TRDN: variants seen among roughly 807,000 people sequenced by gnomAD.
TRDN encodes triadin, also known as triadin in skeletal muscle.
In TRDN, 161 loss-of-function variants were observed where a neutral mutation model predicts 149.7. The observed-to-expected ratio is 1.08, with a 90% CI of 0.95 to 1.23. The LOEUF (loss-of-function observed/expected upper bound fraction) is 1.23. Among genes scored for constraint, TRDN ranks in the 50% most tolerant of loss-of-function variants. The pLI is 0.00. For missense variants in TRDN, 896 were observed against 823.5 expected (o/e 1.09, Z -1.08); for synonymous variants, 294 against 250.5 (o/e 1.17, Z -1.64).
chr6:123,484,665 A>G (rs899459303), intron 9 of TRDN, among the ~76,000 whole-genome samples: 1 of 152,190 alleles, frequency 6.6e-6, no homozygotes. Flanking sequence ...TGCCATTAAT[A>G]GTGACAAAGC....
intron 1 of TRDN, among the ~76,000 whole-genome samples, chr6:123,595,957 G>T (rs930517340): frequency 1.3e-5 from 2 of 151,986 alleles, no homozygotes; most frequent in Non-Finnish European, 2.9e-5. Context: ...TGTTCAAATG[G>T]GAGGAAGAGT....
chr6:123,406,715 T>C (rs1474623134), intron 12 of TRDN, among the ~76,000 whole-genome samples: 1 of 152,074 alleles, frequency 6.6e-6, no homozygotes, highest in Non-Finnish European at 1.5e-5. Context: ...ATAACAACAA[T>C]GGCAATTATA....
At chr6:123,241,951 T>C (rs1225054537) in intron 38 of TRDN, among the ~76,000 whole-genome samples, 1 of 152,194 alleles carries the variant, frequency 6.6e-6, no homozygotes, top group Non-Finnish European at 1.5e-5. Context: ...CTATTTCATT[T>C]GAAATACTCA....
At chr6:123,233,571 C>T (rs900352724) in intron 38 of TRDN, among the ~76,000 whole-genome samples, 1 of 151,940 alleles carries the variant, frequency 6.6e-6, no homozygotes, top group African/African-American at 2.4e-5. Context: ...TGCTGGGACC[C>T]AAAGTCTAAT....
At chr6:123,359,781 C>T (rs769886308) in intron 20 of TRDN, among the ~76,000 whole-genome samples, 6 of 152,018 alleles carry the variant, frequency 3.9e-5, no homozygotes, top group East Asian at 1.9e-4. Context: ...CCGCAAGCTC[C>T]GCCTCCTGGG....
At position 123,393,648 on chromosome 6, in the gene TRDN, C is replaced by T. The variant is rs1360829110; in HGVS notation, c.1081G>A (p.Gly361Arg). ...CCTTGTGCTGCAATTTTTACAGTCC[C>T]TTGTTTGGTTTCAGAAGCTTTTCCC... is the stretch of plus-strand genomic sequence containing the variant. ...EPGKASETKQ[G>R]TVKIAAQAAA... Residue 361 changes from glycine to arginine, a missense_variant, in exon 13 of 41, where the codon GGG (glycine) becomes AGG (arginine). Coordinates refer to ENST00000334268, the MANE Select transcript of TRDN (RefSeq NM_006073.4). 6.2e-7 allele frequency: 1 copy of T among 1,606,684 alleles called. No homozygotes were observed. The highest frequency in any genetic ancestry group is 2.2e-5 in the East Asian group (1 of 44,764).
intron 4 of TRDN, among the ~76,000 whole-genome samples, chr6:123,533,610 T>C (rs1780361166): frequency 1.3e-5 from 2 of 152,064 alleles, no homozygotes; most frequent in African/African-American, 2.4e-5. Flanking sequence ...TTAGCTCTTG[T>C]GTACTCAGAC....
At chr6:123,372,596 G>A (rs1358744320) in intron 19 of TRDN, among the ~76,000 whole-genome samples, 1 of 152,112 alleles carries the variant, frequency 6.6e-6, no homozygotes, top group Non-Finnish European at 1.5e-5. Context: ...GTGGAATAAA[G>A]TGACCTGGGA....
intron 7 of TRDN, among the ~76,000 whole-genome samples, chr6:123,507,057 T>G (rs1054685386): frequency 2.6e-5 from 4 of 152,052 alleles, no homozygotes; most frequent in African/African-American, 9.7e-5. Flanking sequence ...ATGGAGAGAG[T>G]AAATATTCCA....
chr6:123,445,227 C>A (rs1775241801), intron 10 of TRDN: 1 of 152,128 alleles, frequency 6.6e-6, no homozygotes, highest in African/African-American at 2.4e-5. Context: ...AGAGATTCAA[C>A]TTCTTCCTGG....
intron 4 of TRDN, among the ~76,000 whole-genome samples, chr6:123,546,946 TGGC>T (rs1340107731): frequency 6.6e-6 from 1 of 151,702 alleles, no homozygotes. Context: ...AAAATAATGA[TGGC>T]AAAAAAAATA....
Position 123,437,248 on chromosome 6 carries a change from C to T in TRDN, c.1051+815G>A, listed in dbSNP as rs182280975. On this transcript the variant is annotated intron_variant, in intron 12 of 40. Coordinates refer to ENST00000334268, the MANE Select transcript of TRDN (RefSeq NM_006073.4). ...ATTGTATCTTGACCAAGGTGGTCCT[C>T]ACCTTGATTAAACTTTAATAGGTTT... 14 of 229,144 alleles carry T rather than the reference C, an allele frequency of 6.1e-5. No individual in the cohort carries two copies. The East Asian group carries it at 1.2e-3, about 19-fold the overall frequency. 14.2% of individuals were successfully genotyped at this position (229,144 alleles called of 1,614,324 possible). A position where few individuals can be genotyped will look rare whatever the true frequency, so the allele number is the denominator to read the frequency against.
intron 26 of TRDN, among the ~76,000 whole-genome samples, chr6:123,275,447 C>G (rs12198841): frequency 2.0e-5 from 3 of 152,046 alleles, no homozygotes; most frequent in Non-Finnish European, 2.9e-5. Flanking sequence ...AAATATTCTC[C>G]TCTACGGTTT....
intron 1 of TRDN, among the ~76,000 whole-genome samples, chr6:123,611,877 A>G (rs1309248687): frequency 1.3e-5 from 2 of 152,008 alleles, no homozygotes; most frequent in Non-Finnish European, 2.9e-5. Flanking sequence ...AGTTTGAAAT[A>G]TCACATCTAC....
chr6:123,621,268 A>G (rs548716215), intron 1 of TRDN, among the ~76,000 whole-genome samples: 163 of 152,234 alleles, frequency 1.1e-3, no homozygotes, highest in African/African-American at 3.8e-3. Context: ...TCCATTTTAT[A>G]TATCTTGTGA....
At chr6:123,329,066 C>T (rs1299128986) in intron 23 of TRDN, among the ~76,000 whole-genome samples, 1 of 152,078 alleles carries the variant, frequency 6.6e-6, no homozygotes, top group Non-Finnish European at 1.5e-5. Flanking sequence ...CTTGAAAATG[C>T]ACTTCCATAT....
chr6:123,246,966 A>G (rs573748241), intron 38 of TRDN, among the ~76,000 whole-genome samples: 2 of 152,246 alleles, frequency 1.3e-5, no homozygotes, highest in Admixed American at 1.3e-4. Context: ...ATTAATAAAC[A>G]TAATCCATCA....
intron 18 of TRDN, among the ~76,000 whole-genome samples, chr6:123,377,297 G>A (rs1463253040): frequency 6.6e-6 from 1 of 152,162 alleles, no homozygotes; most frequent in African/African-American, 2.4e-5. Flanking sequence ...ACAAAGCGAT[G>A]TATAATGCAT....
At chr6:123,403,319 A>G (rs1773059054) in intron 12 of TRDN, among the ~76,000 whole-genome samples, 1 of 152,190 alleles carries the variant, frequency 6.6e-6, no homozygotes, top group Non-Finnish European at 1.5e-5. Context: ...GCATAGAAGG[A>G]AGCCTACCTT....
Sources: allele counts gnomAD v4.1 joint callset (sites outside exome capture counted in the v4.1 genomes callset), GRCh38; gene constraint gnomAD v4.1.1; transcripts MANE v1.5; gene names NCBI Gene and HGNC (gene_info 2026-07-23, HGNC 2026-07-21).